Variants in SEC24B observed in about 807,000 individuals in gnomAD.
The protein encoded by SEC24B is SEC24 homolog B, COPII component.
SEC24B carries 45 observed loss-of-function variants against 142.8 expected under a neutral mutation model. The observed-to-expected ratio is 0.32, with a 90% CI of 0.25 to 0.40. The LOEUF is 0.40. SEC24B is among the 10% of genes least tolerant of loss of function. The pLI is 1.00. For missense variants in SEC24B, 1,409 were observed against 1,526.8 expected (o/e 0.92, Z 1.29); for synonymous variants, 574 against 568.2 (o/e 1.01, Z -0.15).
chr4:109,494,646 T>A lies in SEC24B; in HGVS notation c.1278T>A (p.Ala426=). 1 of 1,614,118 alleles carries A rather than the reference T, an allele frequency of 6.2e-7. No homozygotes were observed. The highest frequency in any genetic ancestry group is 8.5e-7 in the Non-Finnish European group (1 of 1,180,032). ...DMLSSSASSP[A]PDPAPEPDPA... is the part of the protein sequence containing the mutation. ...TTTCTTCATCAGCAAGCAGTCCTGC[T>A]CCTGATCCCGCCCCTGAACCTGATC... The change falls in exon 6 of 24, where the codon GCT becomes GCA. Residue 426 remains alanine, a synonymous_variant. Transcript: ENST00000265175.
At position 109,440,249 on chromosome 4, in the gene SEC24B, C is replaced by T. The variant is rs546333456; in HGVS notation, c.133+6247C>T. 3.3e-5 allele frequency among the ~76,000 whole-genome samples: 5 copies of T among 152,136 alleles called. No homozygotes were observed. The South Asian group carries it at 1.0e-3, about 32-fold the overall frequency. ...GTTTGCAGTGTCTTTTCACTCCCTT[C>T]CTCTCCCCCCAAGTTTCTGGGATTG... is the stretch of plus-strand genomic sequence containing the variant. On this transcript the variant is annotated intron_variant, in intron 1 of 23. Transcript: ENST00000265175.
At chr4:109,462,456 T>C (rs965294200) in intron 1 of SEC24B, among the ~76,000 whole-genome samples, 6 of 152,078 alleles carry the variant, frequency 3.9e-5, no homozygotes, top group African/African-American at 1.2e-4. Flanking sequence ...GAAAGCTCAG[T>C]CGTGGTTGTT....
At chr4:109,511,710 T>C (rs909569283) in intron 8 of SEC24B, among the ~76,000 whole-genome samples, 17 of 152,242 alleles carry the variant, frequency 1.1e-4, no homozygotes, top group African/African-American at 4.1e-4. Flanking sequence ...AAGATCTCAC[T>C]TACATTATTT....
intron 5 of SEC24B, among the ~76,000 whole-genome samples, chr4:109,492,734 G>C (rs902623222): frequency 1.3e-5 from 2 of 152,118 alleles, no homozygotes; most frequent in Non-Finnish European, 2.9e-5. Context: ...CCTGAAGAAG[G>C]GGAGAAGATT....
Position 109,539,898 on chromosome 4 carries a change from T to C in SEC24B, c.*223T>C, listed in dbSNP as rs1215124500. The C allele has an allele frequency of 2.0e-6, 1 of 503,982 alleles. No individual in the cohort carries two copies. The highest frequency in any genetic ancestry group is 3.5e-6 in the Non-Finnish European group (1 of 286,422). The allele number at this position is 503,982 out of a possible 1,614,324, so 31.2% of individuals were successfully genotyped here. On this transcript the variant is annotated 3_prime_UTR_variant, in exon 24 of 24. Coordinates refer to ENST00000265175, the MANE Select transcript of SEC24B (RefSeq NM_006323.5). The stretch of plus-strand genomic sequence containing the variant: ...GATGATGCTGTTTCACCAAGTATAT[T>C]TTGAATTGGTTTCTACACATTTCCA...
At chr4:109,527,776 G>A (rs1724416498) in intron 18 of SEC24B, among the ~76,000 whole-genome samples, 1 of 148,290 alleles carries the variant, frequency 6.7e-6, no homozygotes. Context: ...GTGAGACTCT[G>A]TCTCAAAAAA....
intron 1 of SEC24B, among the ~76,000 whole-genome samples, chr4:109,444,091 G>A (rs1578754217): frequency 1.3e-5 from 2 of 151,852 alleles, no homozygotes; most frequent in African/African-American, 4.8e-5. Flanking sequence ...GTGTAGTGGC[G>A]AGTGCATGTA....
At chr4:109,518,305 A>C (rs959944134) in intron 11 of SEC24B, among the ~76,000 whole-genome samples, 6 of 152,206 alleles carry the variant, frequency 3.9e-5, no homozygotes, top group Admixed American at 6.5e-5. Flanking sequence ...AAATCTCTGG[A>C]AAGTACAGTT....
At chr4:109,520,148 G>A (rs1248904628) in intron 11 of SEC24B, among the ~76,000 whole-genome samples, 1 of 152,146 alleles carries the variant, frequency 6.6e-6, no homozygotes, top group Non-Finnish European at 1.5e-5. Flanking sequence ...AAATGCTTAA[G>A]CAAGATATAC....
chr4:109,510,977 A>C (rs1057160675), intron 8 of SEC24B, among the ~76,000 whole-genome samples: 3 of 152,120 alleles, frequency 2.0e-5, no homozygotes, highest in African/African-American at 7.2e-5. Flanking sequence ...TATAGAAAAG[A>C]TCAAAATGAA....
chr4:109,520,348 T>G lies in SEC24B; in HGVS notation c.2127-18T>G, dbSNP rs765643029. ...TTACTGAGCACTCTGAATTTAAAAT[T>G]GTCATTTTTATCTTTAGGCTTCCTG... is the stretch of plus-strand genomic sequence containing the variant. On this transcript the variant is annotated intron_variant, in intron 11 of 23. Coordinates refer to ENST00000265175, the MANE Select transcript of SEC24B (RefSeq NM_006323.5). 6.3e-6 allele frequency: 9 copies of G among 1,439,192 alleles called. No homozygotes were observed. The African/African-American group carries it at 1.1e-4, about 18-fold the overall frequency. 89.2% of individuals were successfully genotyped at this position (1,439,192 alleles called of 1,614,324 possible).
intron 1 of SEC24B, among the ~76,000 whole-genome samples, chr4:109,446,406 CA>C (rs1426416795): frequency 2.0e-5 from 3 of 152,150 alleles, no homozygotes; most frequent in African/African-American, 7.2e-5. Context: ...TCAGAGTGTC[CA>C]AAGGGAACCA....
rs867597859 is a variant in SEC24B, at chr4:109,476,513, A to G, written c.1060+3327A>G. On this transcript the variant is annotated intron_variant, in intron 3 of 23. Transcript: ENST00000265175. ...ATTCTTAGTTTTTATTTTCATACAT[A>G]TAATTGCTGAGAAACATTGTTCACA... 3.2e-5 allele frequency among the ~76,000 whole-genome samples: 4 copies of G among 126,684 alleles called. No homozygotes were observed. In the South Asian group the frequency reaches 6.2e-4, roughly 20 times the overall value. 83.1% of individuals were successfully genotyped at this position (126,684 alleles called of 152,430 possible).
Position 109,532,658 on chromosome 4 carries a change from A to T in SEC24B, c.3410A>T (p.Asp1137Val), listed in dbSNP as rs1318240287. ...LTDEGAVHVN[D>V]RIVPQPPLQK... ...TTTCAGGGTGCAGTACATGTTAATGACAGGATTGTACCACAGCCACCTCTT... is the reference window on the plus strand; with the variant it reads ...TTTCAGGGTGCAGTACATGTTAATGTCAGGATTGTACCACAGCCACCTCTT... The change falls in exon 21 of 24, where the codon GAC becomes GTC. Residue 1137 changes from aspartate to valine, a missense_variant. Asp to Val is a radical substitution (Grantham distance 152). This residue lies in a region of SEC24B where 700 missense variants were observed against 853.3 expected (regional missense o/e 0.82). Transcript: ENST00000265175. 1.3e-5 allele frequency: 21 copies of T among 1,613,272 alleles called. No individual in the cohort carries two copies. The highest frequency in any genetic ancestry group is 1.7e-5 in the Non-Finnish European group (20 of 1,179,256).
chr4:109,493,027 T>C (rs1325801452), intron 5 of SEC24B, among the ~76,000 whole-genome samples: 1 of 152,056 alleles, frequency 6.6e-6, no homozygotes, highest in South Asian at 2.1e-4. Flanking sequence ...GCGCCATTGT[T>C]TTTTTTTATT....
chr4:109,456,470 A>G (rs549542887), intron 1 of SEC24B, among the ~76,000 whole-genome samples: 4 of 151,838 alleles, frequency 2.6e-5, no homozygotes, highest in African/African-American at 9.7e-5. Context: ...CTTCCATGTA[A>G]TCAATGTTAG....
chr4:109,459,797 T>C (rs1435848381), intron 1 of SEC24B, among the ~76,000 whole-genome samples: 6 of 152,190 alleles, frequency 3.9e-5, no homozygotes, highest in Admixed American at 3.9e-4. Context: ...GCCAGATCAG[T>C]CACTAAGTGG....
chr4:109,501,838 C>T (rs1736186221), intron 6 of SEC24B, among the ~76,000 whole-genome samples: 1 of 152,228 alleles, frequency 6.6e-6, no homozygotes, highest in Non-Finnish European at 1.5e-5. Flanking sequence ...TACTCTGTGG[C>T]AGTACTATTC....
rs1273286224 is a variant in SEC24B, at chr4:109,540,103, T to C, written c.*428T>C. ...GCATTGGTACCGTGTTATTTGTTTA[T>C]ATGAATTACTTTTTAACAAGGAATG... On this transcript the variant is annotated 3_prime_UTR_variant, in exon 24 of 24. Transcript: ENST00000265175. 1 of 153,042 alleles carries C rather than the reference T, an allele frequency of 6.5e-6. No homozygotes were observed. The highest frequency in any genetic ancestry group is 2.4e-5 in the African/African-American group (1 of 41,498). 9.5% of individuals were successfully genotyped at this position (153,042 alleles called of 1,614,324 possible). A position where few individuals can be genotyped will look rare whatever the true frequency, so the allele number is the denominator to read the frequency against.
Sources: allele counts gnomAD v4.1 joint callset (sites outside exome capture counted in the v4.1 genomes callset), GRCh38; gene constraint gnomAD v4.1.1; regional missense constraint gnomAD v4.1.1; transcripts MANE v1.5; gene names NCBI Gene and HGNC (gene_info 2026-07-23, HGNC 2026-07-21).